Variants in CFAP44 observed in about 807,000 individuals in gnomAD.
The protein encoded by CFAP44 is cilia- and flagella-associated protein 44.
A neutral mutation model predicts 216.2 loss-of-function variants in CFAP44; 134 were observed. That is an observed-to-expected ratio of 0.62 (90% confidence interval 0.54 to 0.72). The LOEUF is 0.72. Ranked by LOEUF, CFAP44 falls within the 30% of genes least tolerant of loss-of-function variation. The pLI is 0.00. For missense variants in CFAP44, 2,035 were observed against 2,182.1 expected (o/e 0.93, Z 1.34); for synonymous variants, 700 against 727.6 (o/e 0.96, Z 0.61).
At chr3:113,391,853 A>G (rs917309770) in intron 15 of CFAP44, among the ~76,000 whole-genome samples, 1 of 152,190 alleles carries the variant, frequency 6.6e-6, no homozygotes, top group African/African-American at 2.4e-5. Flanking sequence ...ACTATGATAT[A>G]TCATCTCATT....
intron 31 of CFAP44, 41 bp from the exon 32 acceptor site, chr3:113,304,158 A>G (rs1157424485): frequency 1.3e-6 from 2 of 1,512,474 alleles, no homozygotes; most frequent in Admixed American, 2.0e-5. Flanking sequence ...AGACAAAAAC[A>G]CAGATTTTGT....
Position 113,330,187 on chromosome 3 carries a change from T to C in CFAP44, c.4097A>G (p.Gln1366Arg), listed in dbSNP as rs778047955. Reference sequence around the variant, plus strand: ...CCTTACCCTGTTGACCAAATACTGTTGCATGTACACGTGTTTAATCTCGTC... The same window carrying C: ...CCTTACCCTGTTGACCAAATACTGTCGCATGTACACGTGTTTAATCTCGTC... The part of the protein sequence containing the change: ...KRDEIKHVYM[Q>R]QYLVNRIKEL... Residue 1366 changes from glutamine to arginine, a missense_variant, in exon 26 of 35, where the codon CAA (glutamine) becomes CGA (arginine). By Grantham distance (43) the Gln-to-Arg change is conservative. This residue lies in a region of CFAP44 where 1,883 missense variants were observed against 2,023.7 expected (regional missense o/e 0.93). Coordinates refer to ENST00000393845, the MANE Select transcript of CFAP44 (RefSeq NM_001164496.2). 8 of 1,536,094 alleles carry C rather than the reference T, an allele frequency of 5.2e-6. No individual in the cohort carries two copies. Among genetic ancestry groups the C allele is most frequent in the South Asian group, 1.2e-5 (1 of 83,708 alleles).
chr3:113,383,257 C>G (rs906953849), intron 15 of CFAP44, among the ~76,000 whole-genome samples: 2 of 152,150 alleles, frequency 1.3e-5, no homozygotes, highest in African/African-American at 4.8e-5. Context: ...ATTCATTTCT[C>G]AGAGTTCTAG....
chr3:113,412,912 T>C (rs140515266), intron 6 of CFAP44, among the ~76,000 whole-genome samples: 4,354 of 152,312 alleles, frequency 0.029, 109 homozygotes, highest in East Asian at 0.1. Context: ...CTGGGTCAAA[T>C]GGCATTTCTG....
At chr3:113,342,394 C>T (rs182126584) in intron 23 of CFAP44, among the ~76,000 whole-genome samples, 1 of 152,186 alleles carries the variant, frequency 6.6e-6, no homozygotes, top group Admixed American at 6.5e-5. Context: ...ATGAATTCAA[C>T]CCCATAATAA....
intron 33 of CFAP44, among the ~76,000 whole-genome samples, chr3:113,296,270 A>G (rs1003647409): frequency 1.3e-5 from 2 of 152,206 alleles, no homozygotes; most frequent in Non-Finnish European, 2.9e-5. Context: ...TTCTATATAC[A>G]TATATATACA....
At chr3:113,434,163 T>C (rs2107417169) in intron 1 of CFAP44, among the ~76,000 whole-genome samples, 1 of 152,328 alleles carries the variant, frequency 6.6e-6, no homozygotes, top group East Asian at 1.9e-4. Flanking sequence ...TTATGGAGCT[T>C]GTTTATAAAG....
At chr3:113,307,225 G>C (rs1949994686) in intron 29 of CFAP44, among the ~76,000 whole-genome samples, 2 of 152,064 alleles carry the variant, frequency 1.3e-5, no homozygotes, top group Admixed American at 1.3e-4. Context: ...AATTTGAATA[G>C]GTTTGTCAAA....
At chr3:113,299,954 C>T (rs1949918234) in intron 32 of CFAP44, among the ~76,000 whole-genome samples, 1 of 152,170 alleles carries the variant, frequency 6.6e-6, no homozygotes, top group Non-Finnish European at 1.5e-5. Flanking sequence ...TCACCTGAGC[C>T]TGAGAGGTCA....
rs148237267 is a variant in CFAP44, at chr3:113,387,789, G to C, written c.1891-6729C>G. Among the ~76,000 whole-genome samples, 3 of 152,132 alleles carry C rather than the reference G, an allele frequency of 2.0e-5. No individual in the cohort carries two copies. In the East Asian group the frequency reaches 5.8e-4, roughly 29 times the overall value. ...GCCTTAGCTCTTGGACACCATTTCT[G>C]GTCCTGGGCCAGAGGAAAGCCCACT... On this transcript the variant is annotated intron_variant, in intron 15 of 34. Transcript: ENST00000393845.
At chr3:113,375,072 C>A (rs372623639) in intron 17 of CFAP44, among the ~76,000 whole-genome samples, 6,279 of 152,176 alleles carry the variant, frequency 0.041, 427 homozygotes, top group African/African-American at 0.14. Context: ...CCAAGTGAAA[C>A]AAGCCAGTCA....
chr3:113,291,710 CACA>C lies in CFAP44; in HGVS notation c.5409_5411del (p.Val1804del). 2 of 1,536,758 alleles carry C rather than the reference CACA, an allele frequency of 1.3e-6. No individual in the cohort carries two copies. Among genetic ancestry groups the C allele is most frequent in the East Asian group, 4.9e-5 (2 of 40,922 alleles). ...TCAATTCAGTGACCTCCTCTCTTGC[CACA>C]ACATCTGCTTCCCGAGGGCCCTGGA... On this transcript the variant is annotated inframe_deletion, in exon 35 of 35. Coordinates refer to ENST00000393845, the MANE Select transcript of CFAP44 (RefSeq NM_001164496.2).
chr3:113,431,496 G>A (rs1295260301), intron 2 of CFAP44, among the ~76,000 whole-genome samples: 1 of 152,086 alleles, frequency 6.6e-6, no homozygotes, highest in Non-Finnish European at 1.5e-5. Context: ...TGTCAGAAAT[G>A]TAGGGAGTAC....
At chr3:113,434,866 T>TA in intron 1 of CFAP44, 1 of 152,208 alleles carries the variant, frequency 6.6e-6, no homozygotes, top group Non-Finnish European at 1.5e-5. Context: ...TCTCTGAAGA[T>TA]AGACTGGTAT....
chr3:113,407,028 C>T lies in CFAP44; in HGVS notation c.904G>A (p.Ala302Thr). Residue 302 changes from alanine (A) to threonine (T), a missense_variant, in exon 8 of 35, where the codon GCT becomes ACT. Physicochemically the swap from Ala to Thr is moderately conservative, Grantham distance 58 (BLOSUM62 0). Coordinates refer to ENST00000393845, the MANE Select transcript of CFAP44 (RefSeq NM_001164496.2). ...GSGHIKFWEM[A>T]FTFTGLKLQG... ...AGCTTGAGACCGGTGAACGTAAAAGCCATTTCCCAGAACCTACAAACAAGA... is the reference window on the plus strand; with the variant it reads ...AGCTTGAGACCGGTGAACGTAAAAGTCATTTCCCAGAACCTACAAACAAGA... 1 of 1,614,016 alleles carries T rather than the reference C, an allele frequency of 6.2e-7. No individual in the cohort carries two copies. The highest frequency in any genetic ancestry group is 1.1e-5 in the South Asian group (1 of 91,076).
At position 113,418,377 on chromosome 3, in the gene CFAP44, G is replaced by A. The variant is rs149205210; in HGVS notation, c.570+1640C>T. ...GCCATGATTACAGGCAGGAGCCACC[G>A]CGCCAAGCCAGGAGTTTTATTTTTG... On this transcript the variant is annotated intron_variant, in intron 5 of 34. Transcript: ENST00000393845. Among the ~76,000 whole-genome samples the A allele has an allele frequency of 3.5e-4, 53 of 152,184 alleles. 1 individual carries two copies. The East Asian group carries it at 9.7e-3, about 28-fold the overall frequency.
intron 21 of CFAP44, chr3:113,362,807 G>T: frequency 1.0e-6 from 1 of 971,936 alleles, no homozygotes; most frequent in Non-Finnish European, 1.3e-6. Context: ...GCCAATTTTT[G>T]TTTATACTTC....
At chr3:113,411,857 C>T (rs1934485605) in intron 6 of CFAP44, among the ~76,000 whole-genome samples, 1 of 152,062 alleles carries the variant, frequency 6.6e-6, no homozygotes, top group Non-Finnish European at 1.5e-5. Context: ...AGGTCCTTCA[C>T]ATCCCTTGTA....
rs532857679 is a variant in CFAP44, at chr3:113,356,965, T to C, written c.3065+1780A>G. On this transcript the variant is annotated intron_variant, in intron 22 of 34. Transcript: ENST00000393845. ...TCATATACGTAGTCACTCATATATA[T>C]AAATAACCAAAAATAACTCATGTAT... Among the ~76,000 whole-genome samples the C allele has an allele frequency of 4.1e-4, 63 of 152,080 alleles. 1 individual carries two copies. Among genetic ancestry groups the C allele is most frequent in the African/African-American group, 1.3e-3 (54 of 41,450 alleles).
Sources: allele counts gnomAD v4.1 joint callset (sites outside exome capture counted in the v4.1 genomes callset), GRCh38; gene constraint gnomAD v4.1.1; regional missense constraint gnomAD v4.1.1; transcripts MANE v1.5; gene names NCBI Gene and HGNC (gene_info 2026-07-23, HGNC 2026-07-21).